ELOC: variants seen among roughly 807,000 people sequenced by gnomAD.
ELOC encodes the protein elongin C.
For missense variants in ELOC, 38 were observed against 139.0 expected, an observed-to-expected ratio of 0.27 and a Z score of 3.65; for synonymous variants, 40 against 51.3, an observed-to-expected ratio of 0.78 and a Z score of 0.94.
At chr8:73,947,077 C>T (rs567334146) in intron 3 of ELOC, among the ~76,000 whole-genome samples, 1 of 152,282 alleles carries the variant, frequency 6.6e-6, no homozygotes, top group East Asian at 1.9e-4. Context: ...CAACCTCCAC[C>T]TCCCAGGTTC....
Position 73,959,752 on chromosome 8 carries a change from A to G in ELOC, c.4+13T>C, listed in dbSNP as rs1453172067. The G allele has an allele frequency of 6.4e-7, 1 of 1,561,494 alleles. No individual in the cohort carries two copies. Among genetic ancestry groups the G allele is most frequent in the Non-Finnish European group, 8.6e-7 (1 of 1,156,456 alleles). On this transcript the variant is annotated intron_variant, in intron 2 of 3. Coordinates refer to ENST00000520242, the MANE Select transcript of ELOC (RefSeq NM_005648.4). Reference sequence around the variant, plus strand: ...TACTAGTTAAAACACAAAATTAATTATCTTTAGCTTACCCATTTTGTTCTT... The same window carrying G: ...TACTAGTTAAAACACAAAATTAATTGTCTTTAGCTTACCCATTTTGTTCTT...
Position 73,959,763 on chromosome 8 carries a change from AC to A in ELOC, c.4+1del. The A allele has an allele frequency of 6.4e-7, 1 of 1,560,530 alleles. No homozygotes were observed. Among genetic ancestry groups the A allele is most frequent in the Non-Finnish European group, 8.7e-7 (1 of 1,155,564 alleles). On this transcript the variant is annotated splice_donor_variant, in intron 2 of 3. Transcript: ENST00000520242. LOFTEE classifies it high-confidence loss of function. ...ACACAAAATTAATTATCTTTAGCTT[AC>A]CCATTTTGTTCTTATGAAATTCTAC...
At chr8:73,949,340 C>T (rs1036903510) in intron 3 of ELOC, among the ~76,000 whole-genome samples, 4 of 151,978 alleles carry the variant, frequency 2.6e-5, no homozygotes, top group African/African-American at 9.7e-5. Flanking sequence ...GAAAATATTG[C>T]CTATAGGCAC....
At chr8:73,962,323 G>A (rs1195588545) in intron 1 of ELOC, among the ~76,000 whole-genome samples, 1 of 152,152 alleles carries the variant, frequency 6.6e-6, no homozygotes, top group Non-Finnish European at 1.5e-5. Context: ...TTTAAACCTA[G>A]GTAGGTCTGA....
chr8:73,950,083 T>G (rs1813644070), intron 3 of ELOC, among the ~76,000 whole-genome samples: 1 of 152,096 alleles, frequency 6.6e-6, no homozygotes, highest in Non-Finnish European at 1.5e-5. Context: ...CATTTTCTAC[T>G]AAAAACAGGG....
Position 73,946,565 on chromosome 8 carries a change from T to A in ELOC, c.*65A>T. 1 of 1,298,034 alleles carries A rather than the reference T, an allele frequency of 7.7e-7. No individual in the cohort carries two copies. Among genetic ancestry groups the A allele is most frequent in the Non-Finnish European group, 1.0e-6 (1 of 958,780 alleles). The allele number at this position is 1,298,034 out of a possible 1,614,324, so 80.4% of individuals were successfully genotyped here. On this transcript the variant is annotated 3_prime_UTR_variant, in exon 4 of 4. Transcript: ENST00000520242. ...AGGCAACATGCTATATATGAAAAAGTTACTAACTGAACTACAGGTATTAAA... is the reference window on the plus strand; with the variant it reads ...AGGCAACATGCTATATATGAAAAAGATACTAACTGAACTACAGGTATTAAA...
intron 1 of ELOC, among the ~76,000 whole-genome samples, chr8:73,963,523 C>T (rs1430811988): frequency 6.6e-6 from 1 of 152,114 alleles, no homozygotes; most frequent in Non-Finnish European, 1.5e-5. Context: ...TTTTGCATCC[C>T]GTCATTTTTT....
At chr8:73,949,289 G>T (rs1813597034) in intron 3 of ELOC, among the ~76,000 whole-genome samples, 1 of 152,164 alleles carries the variant, frequency 6.6e-6, no homozygotes. Flanking sequence ...GTAAATTTTG[G>T]TTTGCCAATA....
In ELOC at chr8:73,956,896, C is replaced by T. The variant is rs1436290737; in HGVS notation, c.5-842G>A. Among the ~76,000 whole-genome samples the T allele has an allele frequency of 4.6e-5, 7 of 152,268 alleles. No homozygotes were observed. In the East Asian group the frequency reaches 1.2e-3, roughly 25 times the overall value. On this transcript the variant is annotated intron_variant, in intron 2 of 3. Transcript: ENST00000520242. ...GGGGGCGGTGGCTCACATCCCAGCA[C>T]TTTGGGAGGCCAAGGCGGGTGGATC... is the stretch of plus-strand genomic sequence containing the variant.
intron 1 of ELOC, chr8:73,971,732 C>T (rs1353361814): frequency 2.0e-5 from 3 of 152,168 alleles, no homozygotes; most frequent in African/African-American, 7.2e-5. Context: ...AAGAACTAAT[C>T]TGAGCGGACA....
intron 2 of ELOC, among the ~76,000 whole-genome samples, chr8:73,958,991 T>C (rs1814401919): frequency 6.6e-6 from 1 of 152,206 alleles, no homozygotes; most frequent in Non-Finnish European, 1.5e-5. Flanking sequence ...GTATGAATAC[T>C]ATAAGCAACT....
chr8:73,967,723 C>T lies in ELOC; in HGVS notation c.-51+4354G>A, dbSNP rs112164996. On this transcript the variant is annotated intron_variant, in intron 1 of 3. Transcript: ENST00000520242. ...CCTCTGGTAATCCGCTCACCTTGGC[C>T]TCCCAAAGTGCTGGGATTACAGGCG... Among the ~76,000 whole-genome samples the T allele has an allele frequency of 5.2e-3, 787 of 152,312 alleles. 3 individuals are homozygous for T. Among genetic ancestry groups the T allele is most frequent in the African/African-American group, 0.017 (699 of 41,564 alleles).
intron 1 of ELOC, among the ~76,000 whole-genome samples, chr8:73,962,501 T>C (rs987068559): frequency 6.6e-6 from 1 of 152,128 alleles, no homozygotes; most frequent in African/African-American, 2.4e-5. Flanking sequence ...ACTACGCAAT[T>C]TAAAAATTCA....
At chr8:73,953,773 AAC>A (rs1205218654) in intron 3 of ELOC, among the ~76,000 whole-genome samples, 2 of 152,244 alleles carry the variant, frequency 1.3e-5, no homozygotes, top group African/African-American at 4.8e-5. Context: ...GCCACCGTGA[AAC>A]AGTTCTGTGG....
chr8:73,963,256 T>C (rs1021355463), intron 1 of ELOC, among the ~76,000 whole-genome samples: 1 of 152,212 alleles, frequency 6.6e-6, no homozygotes, highest in Admixed American at 6.6e-5. Context: ...TCAGTGAATA[T>C]TTATAAGATA....
intron 1 of ELOC, among the ~76,000 whole-genome samples, chr8:73,968,452 C>T (rs1190419061): frequency 6.6e-6 from 1 of 152,208 alleles, no homozygotes; most frequent in Non-Finnish European, 1.5e-5. Flanking sequence ...ATAATATCTC[C>T]AAACTCCCTT....
At chr8:73,960,121 G>A (rs190695006) in intron 1 of ELOC, among the ~76,000 whole-genome samples, 379 of 152,222 alleles carry the variant, frequency 2.5e-3, no homozygotes, top group African/African-American at 8.7e-3. Flanking sequence ...TGTAAAATGT[G>A]ACATGTTAAA....
At chr8:73,959,187 T>C (rs1297192920) in intron 2 of ELOC, among the ~76,000 whole-genome samples, 3 of 152,182 alleles carry the variant, frequency 2.0e-5, no homozygotes, top group Non-Finnish European at 2.9e-5. Context: ...AATGCATTAC[T>C]ATACTACTAC....
intron 1 of ELOC, among the ~76,000 whole-genome samples, chr8:73,960,818 T>C (rs1390068111): frequency 6.6e-6 from 1 of 152,010 alleles, no homozygotes; most frequent in Non-Finnish European, 1.5e-5. Flanking sequence ...TCCATGAGAA[T>C]AAAAAAGACA....
Sources: allele counts gnomAD v4.1 joint callset (sites outside exome capture counted in the v4.1 genomes callset), GRCh38; gene constraint gnomAD v4.1.1; transcripts MANE v1.5; gene names NCBI Gene and HGNC (gene_info 2026-07-23, HGNC 2026-07-21).